URB1: variants seen among roughly 807,000 people sequenced by gnomAD.
URB1 encodes nucleolar pre-ribosomal-associated protein 1.
URB1 carries 197 observed loss-of-function variants against 242.3 expected under a neutral mutation model. That is an observed-to-expected ratio of 0.81 (90% CI 0.72 to 0.91). The LOEUF (loss-of-function observed/expected upper bound fraction) is 0.91. Ranked by LOEUF, URB1 falls within the 40% of genes least tolerant of loss-of-function variation. The pLI is 0.00. For missense variants in URB1, 2,721 were observed against 2,860.5 expected (o/e 0.95, Z 1.11); for synonymous variants, 1,153 against 1,201.8 (o/e 0.96, Z 0.84).
At chr21:32,381,426 TA>T (rs5843552) in intron 4 of URB1, among the ~76,000 whole-genome samples, 34,142 of 136,854 alleles carry the variant, frequency 0.25, 4,913 homozygotes, top group East Asian at 0.52. Flanking sequence ...ATATATTCAT[TA>T]AAAAAAAAAA....
chr21:32,354,965 T>C lies in URB1; in HGVS notation c.2139A>G (p.Ser713=), dbSNP rs2033202588. ...CAAAGTCAGATGCTTTGTCTGTGTA[T>C]GAATAGGGATTCGCCACCAATGTCA... ...ILLTLVANPY[S]YTDKASDFVQ... Residue 713 remains serine, a synonymous_variant, in exon 17 of 39, where the codon TCA becomes TCG. Coordinates refer to ENST00000382751, the MANE Select transcript of URB1 (RefSeq NM_014825.3). 6.4e-7 allele frequency: 1 copy of C among 1,551,894 alleles called. No homozygotes were observed. The highest frequency in any genetic ancestry group is 2.0e-5 in the Admixed American group (1 of 51,012).
At position 32,349,299 on chromosome 21, in the gene URB1, G is replaced by A. The variant is rs779689365; in HGVS notation, c.3012+5C>T. On this transcript the variant is annotated splice_donor_5th_base_variant and intron_variant, in intron 21 of 38. Coordinates refer to ENST00000382751, the MANE Select transcript of URB1 (RefSeq NM_014825.3). The stretch of plus-strand genomic sequence containing the variant: ...AATAGGCTACCAGGCAACCTGTGGC[G>A]GTACCTGATCATTGGCCAACTCCAG... The A allele has an allele frequency of 4.8e-5, 74 of 1,534,164 alleles. No homozygotes were observed. The highest frequency in any genetic ancestry group is 6.1e-5 in the Non-Finnish European group (69 of 1,138,430).
At chr21:32,366,441 C>A (rs1473441091) in intron 10 of URB1, among the ~76,000 whole-genome samples, 177 bp downstream of exon 10, 1 of 152,196 alleles carries the variant, frequency 6.6e-6, no homozygotes, top group Non-Finnish European at 1.5e-5. Context: ...TACCCAGGTG[C>A]GTGGACCTGT....
chr21:32,344,830 A>T, intron 23 of URB1, 74 bp from the exon 24 acceptor site: 2 of 1,458,440 alleles, frequency 1.4e-6, no homozygotes, highest in South Asian at 2.8e-5. Context: ...ATCCAGCATC[A>T]CAAAGAGCCA....
In URB1 at chr21:32,322,502, C is replaced by A. The variant is rs950963173; in HGVS notation, c.5316G>T (p.Gln1772His). The change falls in exon 33 of 39, where the codon CAG (glutamine) becomes CAT (histidine). Residue 1772 changes from glutamine (Q) to histidine (H), a missense_variant. Coordinates refer to ENST00000382751, the MANE Select transcript of URB1 (RefSeq NM_014825.3). ...CCTCAAAGTCGGAGCTGTAGAAGAA[C>A]TGGTAGAAGCCTGGCACTTTGTCCA... Reference protein sequence around the residue: ...LNMDKVPGFYQFFYSSDFEQK... With the variant: ...LNMDKVPGFYHFFYSSDFEQK... 17 of 1,552,246 alleles carry A rather than the reference C, an allele frequency of 1.1e-5. No homozygotes were observed. Among genetic ancestry groups the A allele is most frequent in the Non-Finnish European group, 1.4e-5 (16 of 1,147,146 alleles).
At chr21:32,384,842 G>T (rs1295064860) in intron 2 of URB1, among the ~76,000 whole-genome samples, 1 of 152,196 alleles carries the variant, frequency 6.6e-6, no homozygotes, top group East Asian at 1.9e-4. Flanking sequence ...TTAGCCAGGC[G>T]TGGTGGCGGG....
rs141504258 is a variant in URB1, at chr21:32,366,569, G to A, written c.1335+49C>T. 2.2e-4 allele frequency: 341 copies of A among 1,547,662 alleles called. 2 individuals carry two copies. The African/African-American group carries it at 3.9e-3, about 18-fold the overall frequency. On this transcript the variant is annotated intron_variant, in intron 10 of 38. Coordinates refer to ENST00000382751, the MANE Select transcript of URB1 (RefSeq NM_014825.3). Reference sequence around the variant, plus strand: ...AGAATAATCACATCATGTAGCCAGCGAGTTTAGCTGGAGGCAGTTCCAGAA... The same window carrying A: ...AGAATAATCACATCATGTAGCCAGCAAGTTTAGCTGGAGGCAGTTCCAGAA...
At chr21:32,346,602 G>A (rs2033088228) in intron 22 of URB1, among the ~76,000 whole-genome samples, 1 of 152,196 alleles carries the variant, frequency 6.6e-6, no homozygotes, top group Non-Finnish European at 1.5e-5. Flanking sequence ...CCAGAGGGCA[G>A]GGAACCCTGG....
chr21:32,316,061 G>A (rs560578848), intron 38 of URB1, among the ~76,000 whole-genome samples: 2 of 152,320 alleles, frequency 1.3e-5, no homozygotes, highest in South Asian at 4.1e-4. Flanking sequence ...GCACACACAC[G>A]CGCATGCACA....
At chr21:32,324,958 T>A (rs1316344541) in intron 31 of URB1, among the ~76,000 whole-genome samples, 1 of 152,114 alleles carries the variant, frequency 6.6e-6, no homozygotes, top group Non-Finnish European at 1.5e-5. Flanking sequence ...AAAGAAATAC[T>A]CAGTAGAAGT....
intron 3 of URB1, among the ~76,000 whole-genome samples, chr21:32,383,950 T>G (rs2033554074): frequency 6.6e-6 from 1 of 152,110 alleles, no homozygotes; most frequent in African/African-American, 2.4e-5. Flanking sequence ...GATTCCATGG[T>G]TTTCTGAGCA....
intron 32 of URB1, among the ~76,000 whole-genome samples, chr21:32,324,027 A>C (rs933841349): frequency 6.6e-6 from 1 of 152,106 alleles, no homozygotes; most frequent in Non-Finnish European, 1.5e-5. Flanking sequence ...AGTGAGTCCG[A>C]TCATCACCCC....
rs2033096519 is a variant in URB1 at position 32,347,120 on chromosome 21, G to T, written c.3704C>A (p.Ala1235Asp). The change falls in exon 22 of 39, where the codon GCC becomes GAC. Residue 1235 changes from alanine (A) to aspartate (D), a missense_variant. Physicochemically the swap from Ala to Asp is moderately radical, Grantham distance 126. Coordinates refer to ENST00000382751, the MANE Select transcript of URB1 (RefSeq NM_014825.3). ...RRTQAALSIA[A>D]LLLQESCTHL... ...GGTGCAGCTCTCCTGGAGGAGCAGGGCAGCGATGCTGAGGGCCGCCTGTGT... is the reference window on the plus strand; with the variant it reads ...GGTGCAGCTCTCCTGGAGGAGCAGGTCAGCGATGCTGAGGGCCGCCTGTGT... The T allele has an allele frequency of 1.3e-6, 2 of 1,549,446 alleles. No individual in the cohort carries two copies. Among genetic ancestry groups the T allele is most frequent in the African/African-American group, 2.7e-5 (2 of 73,016 alleles).
At chr21:32,390,722 T>C (rs2033628608) in intron 1 of URB1, among the ~76,000 whole-genome samples, 1 of 152,100 alleles carries the variant, frequency 6.6e-6, no homozygotes, top group Non-Finnish European at 1.5e-5. Context: ...AAACAACAGG[T>C]GCTGGAGAGG....
At position 32,387,155 on chromosome 21, in the gene URB1, C is replaced by T. The variant is rs140804157; in HGVS notation, c.143-1471G>A. 2.0e-5 allele frequency among the ~76,000 whole-genome samples: 3 copies of T among 152,248 alleles called. No individual in the cohort carries two copies. The East Asian group carries it at 5.8e-4, about 29-fold the overall frequency. The stretch of plus-strand genomic sequence containing the variant: ...CAGCCTGAGGATTCTACTACCCTTC[C>T]TGCAATTAATACAACCTCCCCTCCC... On this transcript the variant is annotated intron_variant, in intron 1 of 38. Transcript: ENST00000382751.
At position 32,311,693 on chromosome 21, in the gene URB1, C is replaced by CA; in HGVS notation, c.*3224dup. 6.2e-7 allele frequency: 1 copy of CA among 1,613,978 alleles called. No individual in the cohort carries two copies. The highest frequency in any genetic ancestry group is 8.5e-7 in the Non-Finnish European group (1 of 1,179,964). On this transcript the variant is annotated 3_prime_UTR_variant, in exon 39 of 39. Transcript: ENST00000382751. ...TCTGCTCTGTTCACAGGAACAGCCC[C>CA]AAGCACCACCAAACATGCCCCTGGA...
In URB1 at chr21:32,386,046, G is replaced by A. The variant is rs2033580662; in HGVS notation, c.143-362C>T. Among the ~76,000 whole-genome samples the A allele has an allele frequency of 2.6e-5, 4 of 151,886 alleles. No homozygotes were observed. The South Asian group carries it at 8.3e-4, about 32-fold the overall frequency. On this transcript the variant is annotated intron_variant, in intron 1 of 38. Transcript: ENST00000382751. ...ACATATCTGTAGTCCCAGCTACTTG[G>A]GAGGCTGAGGCAGAATTGTGTGAAC...
intron 9 of URB1, among the ~76,000 whole-genome samples, 191 bp downstream of exon 9, chr21:32,368,212 C>T (rs771399814): frequency 2.6e-5 from 4 of 151,926 alleles, no homozygotes; most frequent in East Asian, 1.9e-4. Flanking sequence ...GGATTACAGG[C>T]GCACACCACC....
In URB1 at chr21:32,372,640, AT is replaced by A. The variant is rs1303579161; in HGVS notation, c.877-10del. 1 of 1,543,870 alleles carries A rather than the reference AT, an allele frequency of 6.5e-7. No individual in the cohort carries two copies. Among genetic ancestry groups the A allele is most frequent in the Non-Finnish European group, 8.7e-7 (1 of 1,144,842 alleles). On this transcript the variant is annotated splice_polypyrimidine_tract_variant and intron_variant, in intron 7 of 38. Coordinates refer to ENST00000382751, the MANE Select transcript of URB1 (RefSeq NM_014825.3). ...GCTTCTTCGGCAGAAACCTATGAAG[AT>A]TTTTTAAAAATTCAATGAAAATCCC...
Sources: allele counts gnomAD v4.1 joint callset (sites outside exome capture counted in the v4.1 genomes callset), GRCh38; gene constraint gnomAD v4.1.1; transcripts MANE v1.5; gene names NCBI Gene and HGNC (gene_info 2026-07-23, HGNC 2026-07-21).